Variants in NUP210L observed in about 807,000 individuals in gnomAD.
NUP210L encodes nucleoporin 210 like, also known as nuclear pore membrane glycoprotein 210-like.
In NUP210L, 74 loss-of-function variants were observed where a neutral mutation model predicts 208.5. The observed-to-expected ratio is 0.35, with a 90% CI of 0.29 to 0.43. The LOEUF is 0.43. Among genes scored for constraint, NUP210L ranks in the 20% least tolerant of loss-of-function variants. NUP210L has a pLI of 1.00. For missense variants in NUP210L, 1,843 were observed against 2,289.4 expected (o/e 0.81, Z 3.98); for synonymous variants, 780 against 816.9 (o/e 0.95, Z 0.77).
At chr1:154,054,962 A>G in intron 23 of NUP210L, 130 bp from the exon 24 acceptor site, 1 of 655,646 alleles carries the variant, frequency 1.5e-6, no homozygotes, top group Non-Finnish European at 2.7e-6. Flanking sequence ...GTGCAGTGGC[A>G]CGATCACAGC....
chr1:154,070,343 G>C (rs753056687), exon 17 of NUP210L: 1 of 1,613,342 alleles, frequency 6.2e-7, no homozygotes, highest in Non-Finnish European at 8.5e-7. Context: ...CTTCGAAATG[G>C]GCTAGTGTTT....
At chr1:154,048,756 G>A (rs547076257) in intron 25 of NUP210L, among the ~76,000 whole-genome samples, 63 of 152,276 alleles carry the variant, frequency 4.1e-4, no homozygotes, top group Admixed American at 1.7e-3. Context: ...CCTTGCCAGC[G>A]GGGATGATAG....
At chr1:154,010,294 C>G (rs1650834048) in intron 34 of NUP210L, among the ~76,000 whole-genome samples, 173 bp from the exon 35 acceptor site, 1 of 152,168 alleles carries the variant, frequency 6.6e-6, no homozygotes. Context: ...GTGTGAGACC[C>G]TCGCATTCTA....
chr1:154,071,728 T>C (rs1654742969), intron 16 of NUP210L, among the ~76,000 whole-genome samples: 2 of 145,700 alleles, frequency 1.4e-5, no homozygotes, highest in Admixed American at 1.5e-4. Flanking sequence ...CTCCGCCTCC[T>C]GGGTTCAAGC....
intron 17 of NUP210L, among the ~76,000 whole-genome samples, chr1:154,063,216 G>T (rs893370165): frequency 6.6e-6 from 1 of 152,174 alleles, no homozygotes; most frequent in Admixed American, 6.6e-5. Context: ...AGAGCACAAA[G>T]AAGGAATATT....
intron 25 of NUP210L, among the ~76,000 whole-genome samples, chr1:154,046,759 A>G (rs1258749124): frequency 6.6e-6 from 1 of 152,214 alleles, no homozygotes; most frequent in Non-Finnish European, 1.5e-5. Context: ...AGTTGAACTC[A>G]TGGAGATAAA....
At chr1:154,127,234 C>A in intron 9 of NUP210L, 77 bp downstream of exon 9, 2 of 576,018 alleles carry the variant, frequency 3.5e-6, no homozygotes, top group Non-Finnish European at 5.9e-6. Flanking sequence ...GCTTTCTAGC[C>A]AGGAAGATGG....
At chr1:154,021,290 A>G (rs1651546791) in intron 32 of NUP210L, among the ~76,000 whole-genome samples, 1 of 152,134 alleles carries the variant, frequency 6.6e-6, no homozygotes, top group African/African-American at 2.4e-5. Context: ...TTTGTTTTCA[A>G]GAGTATAGTT....
At chr1:154,139,821 A>G in exon 5 of NUP210L, 2 of 1,612,742 alleles carry the variant, frequency 1.2e-6, no homozygotes, top group South Asian at 1.1e-5. Context: ...TGGTTCATGA[A>G]TTCGAACTTT....
chr1:154,012,352 A>G (rs369085903), exon 34 of NUP210L: 3 of 1,613,292 alleles, frequency 1.9e-6, no homozygotes, highest in African/African-American at 2.7e-5. Context: ...ATTAATCTTG[A>G]TGATGCATTG....
intron 16 of NUP210L, chr1:154,079,022 C>G (rs990188922): frequency 1.3e-5 from 2 of 152,038 alleles, no homozygotes; most frequent in African/African-American, 4.8e-5. Flanking sequence ...TGGTGGCTCA[C>G]GTCTGTAATC....
exon 15 of NUP210L, chr1:154,095,103 C>G (rs554544199): frequency 1.9e-6 from 3 of 1,613,986 alleles, no homozygotes; most frequent in South Asian, 2.2e-5. Context: ...CTTCAAATAC[C>G]ATTTCCTTCA....
chr1:154,009,452 T>C (rs2147904057), intron 35 of NUP210L, among the ~76,000 whole-genome samples: 1 of 151,964 alleles, frequency 6.6e-6, no homozygotes, highest in East Asian at 1.9e-4. Flanking sequence ...TAAATTATAA[T>C]AGAAAAGCAC....
chr1:154,081,737 A>C (rs1655338953), intron 16 of NUP210L, among the ~76,000 whole-genome samples: 1 of 152,186 alleles, frequency 6.6e-6, no homozygotes, highest in South Asian at 2.1e-4. Flanking sequence ...ATCCCAGCAC[A>C]TTGGGAGGCC....
At chr1:154,047,941 G>A (rs1333731888) in intron 25 of NUP210L, among the ~76,000 whole-genome samples, 2 of 152,172 alleles carry the variant, frequency 1.3e-5, no homozygotes, top group Non-Finnish European at 2.9e-5. Flanking sequence ...GAGGACACCT[G>A]AGTACTCTTA....
intron 1 of NUP210L, 117 bp from the exon 2 acceptor site, chr1:154,152,989 C>G (rs1292228889): frequency 9.6e-6 from 8 of 830,834 alleles, no homozygotes; most frequent in African/African-American, 1.7e-5. Context: ...GTAAATGACA[C>G]TTTTTAAAGA....
intron 16 of NUP210L, among the ~76,000 whole-genome samples, chr1:154,078,049 A>G (rs34305899): frequency 0.093 from 14,103 of 152,028 alleles, 1,069 homozygotes; most frequent in East Asian, 0.38. Flanking sequence ...TCAAGCCTGT[A>G]ATCTCAGCAC....
chr1:154,058,053 T>G, intron 22 of NUP210L, 36 bp downstream of exon 22: 1 of 1,612,292 alleles, frequency 6.2e-7, no homozygotes, highest in Non-Finnish European at 8.5e-7. Flanking sequence ...TCTTATGATA[T>G]GCAGAGTGGG....
At chr1:154,014,585 AC>A (rs1651136548) in intron 33 of NUP210L, among the ~76,000 whole-genome samples, 1 of 152,196 alleles carries the variant, frequency 6.6e-6, no homozygotes, top group Admixed American at 6.6e-5. Flanking sequence ...CACAACATGT[AC>A]TTTTATTTGC....
Sources: gnomAD v4.1 joint callset for allele counts (sites outside exome capture counted in the v4.1 genomes callset) on GRCh38, gnomAD v4.1.1 for gene constraint, MANE v1.5 for transcripts, NCBI Gene and HGNC (gene_info 2026-07-23, HGNC 2026-07-21) for gene names.